The following HECW2 variants were observed in gnomAD, a reference collection of about 807,000 sequenced individuals.
The protein encoded by HECW2 is HECT, C2 and WW domain containing E3 ubiquitin protein ligase 2, also known as E3 ubiquitin-protein ligase HECW2.
In HECW2, 61 loss-of-function variants were observed where a neutral mutation model predicts 175.2. That is an observed-to-expected ratio of 0.35 (90% CI 0.28 to 0.43). The LOEUF is 0.43. Ranked by LOEUF, HECW2 falls within the 20% of genes least tolerant of loss-of-function variation. The pLI, the probability that HECW2 is intolerant of heterozygous loss-of-function variation, is 1.00. For synonymous variants in HECW2, 671 were observed against 731.0 expected (o/e 0.92, Z 1.32); for missense variants, 1,524 against 2,000.5 (o/e 0.76, Z 4.54).
At chr2:196,368,116 CCTTT>C (rs1693799683) in intron 2 of HECW2, among the ~76,000 whole-genome samples, 1 of 152,044 alleles carries the variant, frequency 6.6e-6, no homozygotes, top group South Asian at 2.1e-4. Flanking sequence ...ATGCTGATTT[CCTTT>C]CTTTTACATA....
intron 1 of HECW2, among the ~76,000 whole-genome samples, chr2:196,549,233 C>G: frequency 6.6e-6 from 1 of 152,170 alleles, no homozygotes; most frequent in East Asian, 1.9e-4. Flanking sequence ...TAACTGCAAT[C>G]CAGGTCAAAA....
chr2:196,313,843 G>A (rs1691591017), intron 10 of HECW2, among the ~76,000 whole-genome samples: 3 of 152,160 alleles, frequency 2.0e-5, no homozygotes, highest in Non-Finnish European at 4.4e-5. Flanking sequence ...CTTGAGGCCA[G>A]GAGTTCAAGG....
chr2:196,330,317 C>G (rs1434741439), intron 4 of HECW2, among the ~76,000 whole-genome samples: 1 of 152,144 alleles, frequency 6.6e-6, no homozygotes, highest in Non-Finnish European at 1.5e-5. Flanking sequence ...AAATTATGTA[C>G]AATTAATGCA....
intron 2 of HECW2, among the ~76,000 whole-genome samples, chr2:196,348,880 A>C (rs1553504765): frequency 6.6e-6 from 1 of 151,980 alleles, no homozygotes; most frequent in Non-Finnish European, 1.5e-5. Context: ...TCCCCTACCT[A>C]ATTTCCACCC....
chr2:196,318,524 A>C, intron 9 of HECW2, 28 bp downstream of exon 9: 1 of 1,456,996 alleles, frequency 6.9e-7, no homozygotes, highest in Non-Finnish European at 9.1e-7. Flanking sequence ...CGCTCGAGCC[A>C]AGAGCCACAG....
In HECW2 at chr2:196,194,199, T is replaced by C. The variant is rs929821361; in HGVS notation, c.*7078A>G. ...ACAAAATAAACAAATATTTTATTAA[T>C]AAATAATAAAAATATAAATAAAAAT... On this transcript the variant is annotated 3_prime_UTR_variant, in exon 29 of 29. Coordinates refer to ENST00000644978, the MANE Select transcript of HECW2 (RefSeq NM_001348768.2). 34 of 151,496 alleles carry C rather than the reference T, an allele frequency of 2.2e-4. No homozygotes were observed. Among genetic ancestry groups the C allele is most frequent in the African/African-American group, 7.5e-4 (31 of 41,434 alleles). 9.4% of individuals were successfully genotyped at this position (151,496 alleles called of 1,614,324 possible). A position where few individuals can be genotyped will look rare whatever the true frequency, so the allele number is the denominator to read the frequency against.
chr2:196,307,522 T>C (rs1324958879), intron 11 of HECW2, among the ~76,000 whole-genome samples: 2 of 152,198 alleles, frequency 1.3e-5, no homozygotes, highest in African/African-American at 2.4e-5. Context: ...AAAAAAACTT[T>C]ATGTTCCACA....
chr2:196,263,887 G>A (rs944748272), intron 17 of HECW2: 10 of 152,126 alleles, frequency 6.6e-5, no homozygotes, highest in African/African-American at 2.4e-4. Context: ...TATATAGGAA[G>A]CACTCAATAA....
chr2:196,263,940 T>A (rs1483095509), intron 17 of HECW2: 1 of 152,184 alleles, frequency 6.6e-6, no homozygotes, highest in Non-Finnish European at 1.5e-5. Context: ...TCCATAATTA[T>A]TTATTCCTTT....
chr2:196,271,011 A>C (rs59166991), intron 17 of HECW2, among the ~76,000 whole-genome samples, 182 bp downstream of exon 17: 2,163 of 152,200 alleles, frequency 0.014, 58 homozygotes, highest in African/African-American at 0.049. Context: ...TTCAACTTTT[A>C]TACTTAATAG....
chr2:196,342,007 A>G (rs1243705635), intron 3 of HECW2, among the ~76,000 whole-genome samples: 1 of 152,196 alleles, frequency 6.6e-6, no homozygotes, highest in Admixed American at 6.5e-5. Flanking sequence ...ACTAGTACCC[A>G]CACATTCTCT....
At chr2:196,277,965 C>T (rs1690022332) in intron 15 of HECW2, among the ~76,000 whole-genome samples, 1 of 92,212 alleles carries the variant, frequency 1.1e-5, no homozygotes, top group Non-Finnish European at 2.0e-5. Flanking sequence ...ACATCACACA[C>T]CGGGGCCTGT....
intron 3 of HECW2, among the ~76,000 whole-genome samples, chr2:196,340,454 G>A (rs537206861): frequency 2.6e-5 from 4 of 151,836 alleles, no homozygotes; most frequent in South Asian, 2.1e-4. Context: ...AAAATTAGCC[G>A]GGCATGGTGA....
chr2:196,405,126 C>T (rs749054536), intron 2 of HECW2, among the ~76,000 whole-genome samples: 2 of 151,884 alleles, frequency 1.3e-5, no homozygotes, highest in Admixed American at 6.6e-5. Context: ...CCATCGCGCC[C>T]GGCCCCTCCT....
intron 15 of HECW2, among the ~76,000 whole-genome samples, chr2:196,278,271 T>C (rs1295313168): frequency 6.7e-6 from 1 of 148,588 alleles, no homozygotes; most frequent in African/African-American, 2.5e-5. Context: ...CAACACCCTC[T>C]CACCTTCCTC....
intron 1 of HECW2, among the ~76,000 whole-genome samples, chr2:196,462,063 T>A (rs10177675): frequency 6.6e-6 from 1 of 152,142 alleles, no homozygotes; most frequent in African/African-American, 2.4e-5. Flanking sequence ...TGCGTATACA[T>A]ATATGTATAC....
intron 2 of HECW2, among the ~76,000 whole-genome samples, chr2:196,399,867 A>C (rs893157055): frequency 1.2e-4 from 18 of 152,336 alleles, no homozygotes; most frequent in African/African-American, 4.1e-4. Context: ...GACATTTCCT[A>C]GGTGAGGGAA....
intron 14 of HECW2, among the ~76,000 whole-genome samples, chr2:196,280,020 T>C (rs557634385): frequency 2.5e-4 from 38 of 152,356 alleles, no homozygotes; most frequent in Admixed American, 2.2e-3. Context: ...ACAAGTGCTA[T>C]CTATCATTAT....
rs1222314197 is a variant in HECW2 at position 196,254,033 on chromosome 2, G to A, written c.3420-4C>T. The A allele has an allele frequency of 1.2e-6, 2 of 1,612,972 alleles. No individual in the cohort carries two copies. The highest frequency in any genetic ancestry group is 2.7e-5 in the African/African-American group (2 of 74,866). On this transcript the variant is annotated splice_polypyrimidine_tract_variant and splice_region_variant and intron_variant, in intron 18 of 28. Transcript: ENST00000644978. ...CATTATCTCTTCTTCAAATAAGCTG[G>A]GGAAAGACAAGAAACAAAACGGGCA...
Sources: gnomAD v4.1 joint callset for allele counts (sites outside exome capture counted in the v4.1 genomes callset) on GRCh38, gnomAD v4.1.1 for gene constraint, MANE v1.5 for transcripts, NCBI Gene and HGNC (gene_info 2026-07-23, HGNC 2026-07-21) for gene names.